The following AGXT2 variants were observed in gnomAD, a reference collection of about 807,000 sequenced individuals.
The protein encoded by AGXT2 is alanine--glyoxylate aminotransferase 2, also known as alanine--glyoxylate aminotransferase 2, mitochondrial.
AGXT2 carries 61 observed loss-of-function variants against 62.5 expected under a neutral mutation model. That is an observed-to-expected ratio of 0.98 (90% CI 0.79 to 1.21). The LOEUF (loss-of-function observed/expected upper bound fraction) is 1.21. Ranked by LOEUF, AGXT2 falls within the 50% of genes most tolerant of loss-of-function variation. The pLI is 0.00. For missense variants in AGXT2, 666 were observed against 641.5 expected, an observed-to-expected ratio of 1.04 and a Z score of -0.41; for synonymous variants, 243 against 218.7, an observed-to-expected ratio of 1.11 and a Z score of -0.98.
At chr5:35,017,618 C>A (rs980452033) in intron 9 of AGXT2, among the ~76,000 whole-genome samples, 5 of 152,162 alleles carry the variant, frequency 3.3e-5, no homozygotes, top group Non-Finnish European at 5.9e-5. Flanking sequence ...GGAACTCTGT[C>A]CTTTAAACCT....
intron 13 of AGXT2, among the ~76,000 whole-genome samples, chr5:35,003,558 G>C (rs967190317): frequency 1.3e-5 from 2 of 150,654 alleles, no homozygotes; most frequent in East Asian, 1.9e-4. Context: ...CTAGTGGCCT[G>C]AGAGCTGCAC....
At chr5:35,019,846 A>G (rs973222845) in intron 9 of AGXT2, among the ~76,000 whole-genome samples, 3 of 152,238 alleles carry the variant, frequency 2.0e-5, no homozygotes, top group African/African-American at 4.8e-5. Flanking sequence ...AAAGAAAAAA[A>G]GAGAGAAGAA....
At position 34,998,513 on chromosome 5, in the gene AGXT2, T is replaced by C; in HGVS notation, c.*206A>G. ...GGATTTATTCTCTGAGCTAGGGAGA[T>C]CCTTTCCCTGAAGAATGGAGTTCTC... On this transcript the variant is annotated 3_prime_UTR_variant, in exon 14 of 14. Transcript: ENST00000231420. The C allele has an allele frequency of 1.6e-6, 1 of 612,254 alleles. No homozygotes were observed. The highest frequency in any genetic ancestry group is 2.9e-6 in the Non-Finnish European group (1 of 346,204). The allele number at this position is 612,254 out of a possible 1,614,324, so 37.9% of individuals were successfully genotyped here. A position where few individuals can be genotyped will look rare whatever the true frequency, so the allele number is the denominator to read the frequency against.
chr5:35,025,681 A>G, intron 9 of AGXT2, 82 bp downstream of exon 9: 1 of 1,424,890 alleles, frequency 7.0e-7, no homozygotes, highest in Non-Finnish European at 9.9e-7. Flanking sequence ...TTCTGCCTGG[A>G]ACACAGAGGA....
At chr5:35,026,032 G>A in intron 8 of AGXT2, 177 bp from the exon 9 acceptor site, 1 of 646,330 alleles carries the variant, frequency 1.5e-6, no homozygotes, top group Admixed American at 2.6e-5. Context: ...TCTATACCAT[G>A]ACTTCTGGAA....
At chr5:35,025,708 G>C (rs1320355894) in intron 9 of AGXT2, 55 bp downstream of exon 9, 1 of 1,556,718 alleles carries the variant, frequency 6.4e-7, no homozygotes, top group African/African-American at 1.4e-5. Flanking sequence ...GGAGGTTTCT[G>C]TCTGTGCATC....
chr5:35,031,116 C>T (rs1767545706), intron 7 of AGXT2, among the ~76,000 whole-genome samples: 1 of 152,096 alleles, frequency 6.6e-6, no homozygotes, highest in Non-Finnish European at 1.5e-5. Flanking sequence ...AATGCTTTTT[C>T]AGCTTGGGTT....
rs987760070 is a variant in AGXT2 at position 35,025,350 on chromosome 5, C to T, written c.963+413G>A. Reference sequence around the variant, plus strand: ...CGAGATTGTACCACTGTACTTCAGCCTGGATGACAGAGCGAGACTTTGTCT... The same window carrying T: ...CGAGATTGTACCACTGTACTTCAGCTTGGATGACAGAGCGAGACTTTGTCT... On this transcript the variant is annotated intron_variant, in intron 9 of 13. Coordinates refer to ENST00000231420, the MANE Select transcript of AGXT2 (RefSeq NM_031900.4). Among the ~76,000 whole-genome samples, 8 of 152,182 alleles carry T rather than the reference C, an allele frequency of 5.3e-5. No homozygotes were observed. In the South Asian group the frequency reaches 8.3e-4, roughly 16 times the overall value.
At chr5:35,012,671 C>T (rs1034928437) in intron 11 of AGXT2, 8 of 422,740 alleles carry the variant, frequency 1.9e-5, no homozygotes, top group Non-Finnish European at 3.5e-5. Context: ...TAAATCACTA[C>T]CAAGATAACA....
intron 9 of AGXT2, among the ~76,000 whole-genome samples, chr5:35,022,273 C>G (rs200767603): frequency 3.3e-5 from 5 of 151,928 alleles, no homozygotes; most frequent in Non-Finnish European, 1.5e-5. Context: ...CACATGCACA[C>G]GTATGTTTAT....
In AGXT2 at chr5:35,009,968, C is replaced by A. The variant is rs1341726995; in HGVS notation, c.1338+32G>T. ...TCCTATATCTCCTGCTGGCTCCAAG[C>A]AGCTGAGAGAGAGGGGCAGATTAGC... On this transcript the variant is annotated intron_variant, in intron 12 of 13. Transcript: ENST00000231420. The A allele has an allele frequency of 1.9e-6, 3 of 1,613,786 alleles. No individual in the cohort carries two copies. In the African/African-American group the frequency reaches 4.0e-5, roughly 22 times the overall value.
At chr5:35,030,705 T>G (rs1580600780) in intron 7 of AGXT2, among the ~76,000 whole-genome samples, 1 of 152,160 alleles carries the variant, frequency 6.6e-6, no homozygotes, top group African/African-American at 2.4e-5. Context: ...TTGTGTCTCT[T>G]CTATGTGGAA....
chr5:35,033,274 A>T (rs1236529049), intron 6 of AGXT2, 186 bp downstream of exon 6: 8 of 610,764 alleles, frequency 1.3e-5, no homozygotes, highest in Non-Finnish European at 2.3e-5. Context: ...ATTAATTATT[A>T]CTCAGACTCG....
Position 35,040,651 on chromosome 5 carries a change from C to A in AGXT2, c.101G>T (p.Arg34Leu), listed in dbSNP as rs778312587. 7 of 1,613,532 alleles carry A rather than the reference C, an allele frequency of 4.3e-6. No homozygotes were observed. In the African/African-American group the frequency reaches 5.3e-5, roughly 12 times the overall value. The change falls in exon 2 of 14, where the codon CGG (arginine) becomes CTG (leucine). Residue 34 changes from arginine to leucine, a missense_variant. Arg to Leu is a moderately radical substitution (Grantham distance 102). Coordinates refer to ENST00000231420, the MANE Select transcript of AGXT2 (RefSeq NM_031900.4). ...AAGACTGAGCTTGGTTACTGATGTC[C>A]GGGAAGTACCTACTGAAAGTGAAGT... ...MHPFLSLGTS[R>L]TSVTKLSLHT...
intron 7 of AGXT2, among the ~76,000 whole-genome samples, chr5:35,029,732 C>T (rs1472362767): frequency 6.6e-6 from 1 of 152,094 alleles, no homozygotes; most frequent in Admixed American, 6.6e-5. Flanking sequence ...ATGATCAGTA[C>T]GAGGTTTGGA....
At chr5:35,015,798 C>T (rs548064352) in intron 9 of AGXT2, among the ~76,000 whole-genome samples, 17 of 132,852 alleles carry the variant, frequency 1.3e-4, no homozygotes, top group South Asian at 4.9e-4. Flanking sequence ...TGCAGTGAGC[C>T]GGGATCATGC....
chr5:35,044,745 G>A (rs983273586), intron 1 of AGXT2, among the ~76,000 whole-genome samples: 1 of 152,022 alleles, frequency 6.6e-6, no homozygotes, highest in African/African-American at 2.4e-5. Context: ...AGCACTCCTC[G>A]ATTCCTGATT....
intron 12 of AGXT2, among the ~76,000 whole-genome samples, chr5:35,008,157 C>T (rs13178208): frequency 0.29 from 44,221 of 152,048 alleles, 7,133 homozygotes; most frequent in Non-Finnish European, 0.37. Context: ...TACAGCAACA[C>T]AAATGGACTA....
chr5:35,023,972 C>T (rs1261871561), intron 9 of AGXT2, among the ~76,000 whole-genome samples: 1 of 152,032 alleles, frequency 6.6e-6, no homozygotes, highest in Non-Finnish European at 1.5e-5. Flanking sequence ...TGGCTCATTG[C>T]AACCTCCACC....
Sources: gnomAD v4.1 joint callset for allele counts (sites outside exome capture counted in the v4.1 genomes callset) on GRCh38, gnomAD v4.1.1 for gene constraint, MANE v1.5 for transcripts, NCBI Gene and HGNC (gene_info 2026-07-23, HGNC 2026-07-21) for gene names.